SUMF1: variants seen among roughly 807,000 people sequenced by gnomAD.
The protein encoded by SUMF1 is formylglycine-generating enzyme.
A neutral mutation model predicts 47.6 loss-of-function variants in SUMF1; 48 were observed. The ratio of observed to expected loss-of-function variants is 1.01; its 90% CI spans 0.80 to 1.28. The LOEUF (loss-of-function observed/expected upper bound fraction) is 1.28, where lower values mean the gene tolerates loss of function less well. SUMF1 is among the 50% of genes most tolerant of loss of function. The pLI is 0.00. For synonymous variants in SUMF1, 230 were observed against 192.1 expected (o/e 1.20, Z -1.63); for missense variants, 571 against 485.4 (o/e 1.18, Z -1.66).
At chr3:4,102,986 A>C (rs1241244208) in intron 8 of SUMF1, among the ~76,000 whole-genome samples, 1 of 151,656 alleles carries the variant, frequency 6.6e-6, no homozygotes, top group African/African-American at 2.4e-5. Flanking sequence ...GTAGTAGTGC[A>C]ATCTCAGCTC....
intron 8 of SUMF1, chr3:4,316,920 T>C (rs1477380747): frequency 1.2e-5 from 18 of 1,549,356 alleles, no homozygotes; most frequent in Admixed American, 2.0e-5. Flanking sequence ...GCAGCTGGCA[T>C]TGGTCAACAG....
chr3:4,184,151 A>G (rs1559546241), intron 8 of SUMF1, among the ~76,000 whole-genome samples: 1 of 151,704 alleles, frequency 6.6e-6, no homozygotes, highest in African/African-American at 2.4e-5. Flanking sequence ...AAATTAAAAA[A>G]AAAAAAGAAA....
chr3:4,164,193 G>A (rs1329241987), intron 8 of SUMF1, among the ~76,000 whole-genome samples: 1 of 152,144 alleles, frequency 6.6e-6, no homozygotes, highest in African/African-American at 2.4e-5. Context: ...CTGAGGAGGT[G>A]GGAGAAATAC....
At chr3:4,261,970 T>A (rs1194432284) in intron 8 of SUMF1, among the ~76,000 whole-genome samples, 1 of 152,166 alleles carries the variant, frequency 6.6e-6, no homozygotes, top group Non-Finnish European at 1.5e-5. Flanking sequence ...GAAATAAATA[T>A]TCTGAATGAG....
At chr3:4,399,799 C>G (rs968574477) in intron 7 of SUMF1, among the ~76,000 whole-genome samples, 4 of 152,182 alleles carry the variant, frequency 2.6e-5, no homozygotes, top group Non-Finnish European at 5.9e-5. Context: ...GCTCTGCCAT[C>G]TAGCCTGAAG....
At chr3:4,303,172 T>G in intron 8 of SUMF1, 1 of 497,846 alleles carries the variant, frequency 2.0e-6, no homozygotes, top group East Asian at 3.7e-5. Flanking sequence ...GGTTTTGTAA[T>G]TATCTGTGGT....
chr3:4,168,553 TA>T (rs773577339), intron 8 of SUMF1, among the ~76,000 whole-genome samples: 2 of 152,184 alleles, frequency 1.3e-5, no homozygotes, highest in Non-Finnish European at 2.9e-5. Flanking sequence ...GCACAGTGGT[TA>T]AAAACATGGG....
At chr3:4,303,470 C>A in intron 8 of SUMF1, 1 of 1,523,750 alleles carries the variant, frequency 6.6e-7, no homozygotes, top group South Asian at 1.3e-5. Context: ...CGCGTGCGGC[C>A]AGGAAAACTT....
At chr3:4,147,745 ACTAC>A in intron 8 of SUMF1, among the ~76,000 whole-genome samples, 1 of 152,256 alleles carries the variant, frequency 6.6e-6, no homozygotes, top group Non-Finnish European at 1.5e-5. Flanking sequence ...GATAAAAAGA[ACTAC>A]CTACCACCAC....
chr3:4,406,080 AGC>A, intron 7 of SUMF1, among the ~76,000 whole-genome samples: 1 of 151,716 alleles, frequency 6.6e-6, no homozygotes, highest in Non-Finnish European at 1.5e-5. Flanking sequence ...TCTAAAGGCC[AGC>A]GTTTCTCATT....
intron 3 of SUMF1, among the ~76,000 whole-genome samples, chr3:4,447,195 T>G (rs60585243): frequency 3.9e-4 from 59 of 151,974 alleles, no homozygotes; most frequent in Non-Finnish European, 7.4e-4. Flanking sequence ...AAAGATTTTT[T>G]TAAAAAAAAA....
chr3:4,222,669 G>A (rs993079898), intron 8 of SUMF1, among the ~76,000 whole-genome samples: 1 of 152,096 alleles, frequency 6.6e-6, no homozygotes, highest in Admixed American at 6.6e-5. Flanking sequence ...TAAACTGAGA[G>A]TTTTTCTGCC....
At chr3:4,339,087 T>C (rs79863508) in intron 8 of SUMF1, among the ~76,000 whole-genome samples, 2,505 of 152,320 alleles carry the variant, frequency 0.016, 33 homozygotes, top group Non-Finnish European at 0.025. Context: ...TCCTCAGCAA[T>C]ATCCCACTAC....
intron 8 of SUMF1, among the ~76,000 whole-genome samples, chr3:4,152,179 T>C (rs906802877): frequency 6.6e-6 from 1 of 151,648 alleles, no homozygotes; most frequent in African/African-American, 2.4e-5. Flanking sequence ...AAAATTTTAA[T>C]GTTTGAAATG....
chr3:4,182,236 C>G (rs1422139049), intron 8 of SUMF1, among the ~76,000 whole-genome samples: 4 of 151,922 alleles, frequency 2.6e-5, no homozygotes, highest in Admixed American at 2.0e-4. Flanking sequence ...TCCAGAGTGT[C>G]AAATGAATTG....
At chr3:4,195,983 C>G (rs1215158773) in intron 8 of SUMF1, among the ~76,000 whole-genome samples, 1 of 151,902 alleles carries the variant, frequency 6.6e-6, no homozygotes, top group African/African-American at 2.4e-5. Context: ...CTTTGGATAC[C>G]AGAAATTATA....
At chr3:4,143,033 G>A (rs921959974) in intron 8 of SUMF1, among the ~76,000 whole-genome samples, 3 of 152,110 alleles carry the variant, frequency 2.0e-5, no homozygotes, top group Non-Finnish European at 4.4e-5. Flanking sequence ...CTCTCTGGAG[G>A]TAAGTGTCCC....
At chr3:4,149,713 T>C (rs566482863) in intron 8 of SUMF1, among the ~76,000 whole-genome samples, 6 of 152,284 alleles carry the variant, frequency 3.9e-5, no homozygotes, top group East Asian at 1.9e-4. Context: ...GAAAATTCAC[T>C]GATATTGCAA....
At chr3:4,139,963 T>A (rs2125095483) in intron 8 of SUMF1, among the ~76,000 whole-genome samples, 1 of 152,092 alleles carries the variant, frequency 6.6e-6, no homozygotes, top group African/African-American at 2.4e-5. Flanking sequence ...CACTCAGACA[T>A]TCCAAAGGAC....
Sources: gnomAD v4.1 joint callset for allele counts (sites outside exome capture counted in the v4.1 genomes callset) on GRCh38, gnomAD v4.1.1 for gene constraint, MANE v1.5 for transcripts, NCBI Gene and HGNC (gene_info 2026-07-23, HGNC 2026-07-21) for gene names.